DCTN5: variants seen among roughly 807,000 people sequenced by gnomAD.
DCTN5 encodes the protein dynactin 4.
DCTN5 carries 14 observed loss-of-function variants against 23.5 expected under a neutral mutation model. The observed-to-expected ratio is 0.60, with a 90% CI of 0.39 to 0.93. DCTN5 has a LOEUF of 0.93. Among genes scored for constraint, DCTN5 ranks in the 40% least tolerant of loss-of-function variants. The probability of loss-of-function intolerance (pLI) is 0.00; values close to 1 mark genes in which losing one functional copy is unlikely to be tolerated. For synonymous variants in DCTN5, 67 were observed against 79.6 expected, an observed-to-expected ratio of 0.84 and a Z score of 0.84; for missense variants, 156 against 225.9, an observed-to-expected ratio of 0.69 and a Z score of 1.98.
rs1336815927 is a variant in DCTN5 at position 23,674,636 on chromosome 16, T to C, written c.*7492T>C. The C allele has an allele frequency of 6.6e-6, 1 of 152,134 alleles. No homozygotes were observed. The highest frequency in any genetic ancestry group is 2.4e-5 in the African/African-American group (1 of 41,412). The allele number at this position is 152,134 out of a possible 1,614,324, so 9.4% of individuals were successfully genotyped here. A position where few individuals can be genotyped will look rare whatever the true frequency, so the allele number is the denominator to read the frequency against. ...TAAAACGTAGCTGTCCCCAGAAAGG[T>C]ATTAGGCTTTTCTAGTCTGCTCATT... On this transcript the variant is annotated 3_prime_UTR_variant, in exon 6 of 6. Transcript: ENST00000300087.
At chr16:23,643,353 G>A (rs577089793) in intron 2 of DCTN5, among the ~76,000 whole-genome samples, 5 of 151,410 alleles carry the variant, frequency 3.3e-5, no homozygotes, top group South Asian at 2.1e-4. Flanking sequence ...CACCAAGCCC[G>A]GCTAATATTT....
At chr16:23,663,673 G>A (rs1256611429) in intron 4 of DCTN5, among the ~76,000 whole-genome samples, 1 of 151,960 alleles carries the variant, frequency 6.6e-6, no homozygotes, top group Non-Finnish European at 1.5e-5. Flanking sequence ...CCGAGATCGC[G>A]CCACTGCACT....
At position 23,668,457 on chromosome 16, in the gene DCTN5, C is replaced by G. The variant is rs1302273056; in HGVS notation, c.*1313C>G. 6.6e-6 allele frequency: 1 copy of G among 152,238 alleles called. No homozygotes were observed. Among genetic ancestry groups the G allele is most frequent in the East Asian group, 1.9e-4 (1 of 5,202 alleles). 9.4% of individuals were successfully genotyped at this position (152,238 alleles called of 1,614,324 possible). A position where few individuals can be genotyped will look rare whatever the true frequency, so the allele number is the denominator to read the frequency against. ...ACAAGATGGAAGTTTATTTCTCTCT[C>G]CCATAACAGTGCAGTGATAGTCAGC... On this transcript the variant is annotated 3_prime_UTR_variant, in exon 6 of 6. Transcript: ENST00000300087.
rs1475261443 is a variant in DCTN5, at chr16:23,676,224, AAGGGCTGGG to A, written c.*9081_*9089del. ...AAAAAAAAAGGTTCAGACAGCAATT[AAGGGCTGGG>A]CACGGTGGCTCATGCCTGTAATCCC... On this transcript the variant is annotated 3_prime_UTR_variant, in exon 6 of 6. Transcript: ENST00000300087. 1.3e-5 allele frequency: 2 copies of A among 151,672 alleles called. No homozygotes were observed. The highest frequency in any genetic ancestry group is 4.9e-5 in the African/African-American group (2 of 41,218). The allele number at this position is 151,672 out of a possible 1,614,324, so 9.4% of individuals were successfully genotyped here.
At chr16:23,647,324 G>A (rs968455807) in intron 2 of DCTN5, among the ~76,000 whole-genome samples, 1 of 151,970 alleles carries the variant, frequency 6.6e-6, no homozygotes, top group African/African-American at 2.4e-5. Context: ...TGGTCAGGCT[G>A]GTCTCGAACT....
chr16:23,661,624 A>G (rs1967813500), intron 4 of DCTN5, among the ~76,000 whole-genome samples: 1 of 152,156 alleles, frequency 6.6e-6, no homozygotes, highest in East Asian at 1.9e-4. Context: ...AGGCTGAGGC[A>G]GGAAAATCAC....
chr16:23,643,064 G>T, intron 2 of DCTN5, 41 bp downstream of exon 2: 1 of 1,553,954 alleles, frequency 6.4e-7, no homozygotes, highest in Non-Finnish European at 8.9e-7. Flanking sequence ...ACCTTAGCTT[G>T]CGTTCTGCTA....
intron 2 of DCTN5, chr16:23,650,737 T>C (rs1967586391): frequency 2.6e-6 from 4 of 1,533,436 alleles, no homozygotes; most frequent in East Asian, 2.4e-5. Flanking sequence ...CATTTATATT[T>C]CTATCCCTTC....
intron 4 of DCTN5, among the ~76,000 whole-genome samples, chr16:23,663,212 G>A (rs978173466): frequency 1.3e-5 from 2 of 152,204 alleles, no homozygotes; most frequent in African/African-American, 4.8e-5. Context: ...AATATTTATA[G>A]GCACTGTTAC....
intron 2 of DCTN5, among the ~76,000 whole-genome samples, chr16:23,646,598 C>T (rs1025585490): frequency 2.6e-5 from 4 of 151,480 alleles, no homozygotes; most frequent in Non-Finnish European, 4.4e-5. Flanking sequence ...TTTTTTGAGA[C>T]GGAGTTTCCC....
chr16:23,648,874 T>TTTC (rs1199959874), intron 2 of DCTN5, among the ~76,000 whole-genome samples: 2 of 152,174 alleles, frequency 1.3e-5, no homozygotes. Flanking sequence ...TGTTTGTTTT[T>TTTC]TGAGACAGAA....
intron 2 of DCTN5, among the ~76,000 whole-genome samples, chr16:23,654,295 C>G (rs1967659333): frequency 6.6e-6 from 1 of 152,094 alleles, no homozygotes; most frequent in Admixed American, 6.6e-5. Context: ...CAGTGATAGA[C>G]TGGATAAAGA....
chr16:23,651,861 C>T (rs1192321168), intron 2 of DCTN5, among the ~76,000 whole-genome samples: 1 of 152,064 alleles, frequency 6.6e-6, no homozygotes, highest in African/African-American at 2.4e-5. Context: ...ATGGTGAAAC[C>T]CCATCTCTAC....
At chr16:23,642,656 A>T in intron 1 of DCTN5, 1 of 256,078 alleles carries the variant, frequency 3.9e-6, no homozygotes. Flanking sequence ...CTAATTAAAA[A>T]ATTTTTTTTT....
At chr16:23,648,539 G>A (rs2140974970) in intron 2 of DCTN5, among the ~76,000 whole-genome samples, 1 of 151,550 alleles carries the variant, frequency 6.6e-6, no homozygotes, top group East Asian at 1.9e-4. Flanking sequence ...TAATAGAGAT[G>A]GGGTTTAACC....
intron 4 of DCTN5, among the ~76,000 whole-genome samples, chr16:23,662,030 A>G (rs1967822652): frequency 6.6e-6 from 1 of 151,690 alleles, no homozygotes; most frequent in Admixed American, 6.6e-5. Context: ...AGCCTGGGCA[A>G]CAAAGCAAGA....
In DCTN5 at chr16:23,661,152, C is replaced by T; in HGVS notation, c.237-18C>T. 6.4e-7 allele frequency: 1 copy of T among 1,572,174 alleles called. No individual in the cohort carries two copies. The highest frequency in any genetic ancestry group is 8.7e-7 in the Non-Finnish European group (1 of 1,143,608). ...ATCATCTTGACCTTTCTGTGTTCAT[C>T]TTCTTTTCCTCTTCTAGTGTTGCAT... is the stretch of plus-strand genomic sequence containing the variant. On this transcript the variant is annotated intron_variant, in intron 3 of 5. Coordinates refer to ENST00000300087, the MANE Select transcript of DCTN5 (RefSeq NM_032486.4).
intron 2 of DCTN5, chr16:23,650,899 C>G: frequency 7.2e-7 from 1 of 1,396,556 alleles, no homozygotes; most frequent in South Asian, 1.2e-5. Context: ...TGTGACCAAT[C>G]TAAGCCCAAG....
chr16:23,646,725 C>T (rs78255260), intron 2 of DCTN5, among the ~76,000 whole-genome samples: 17,431 of 152,020 alleles, frequency 0.11, 1,204 homozygotes, highest in East Asian at 0.26. Flanking sequence ...TACAGGCATG[C>T]GCCACCATGC....
Sources: allele counts gnomAD v4.1 joint callset (sites outside exome capture counted in the v4.1 genomes callset), GRCh38; gene constraint gnomAD v4.1.1; transcripts MANE v1.5; gene names NCBI Gene and HGNC (gene_info 2026-07-23, HGNC 2026-07-21).